Variants in CTNNA3 observed in about 807,000 individuals in gnomAD.
CTNNA3 encodes catenin alpha-3.
CTNNA3 carries 76 observed loss-of-function variants against 95.7 expected under a neutral mutation model. The observed-to-expected ratio is 0.79, with a 90% confidence interval of 0.66 to 0.96. CTNNA3 has a LOEUF of 0.96. CTNNA3 is among the 40% of genes least tolerant of loss of function. The pLI, the probability that CTNNA3 is intolerant of heterozygous loss-of-function variation, is 0.00. For synonymous variants in CTNNA3, 431 were observed against 374.4 expected, an observed-to-expected ratio of 1.15 and a Z score of -1.74; for missense variants, 1,191 against 1,089.8, an observed-to-expected ratio of 1.09 and a Z score of -1.31.
chr10:66,153,124 A>G (rs1355235154), intron 13 of CTNNA3, among the ~76,000 whole-genome samples: 4 of 151,828 alleles, frequency 2.6e-5, no homozygotes, highest in Admixed American at 2.6e-4. Context: ...TTCTTTTTCA[A>G]ATATGCGTGT....
At chr10:66,261,963 T>C (rs2091015698) in intron 13 of CTNNA3, among the ~76,000 whole-genome samples, 1 of 151,976 alleles carries the variant, frequency 6.6e-6, no homozygotes, top group Admixed American at 6.6e-5. Flanking sequence ...GGATTTGAGG[T>C]TCCTTCCCAT....
intron 15 of CTNNA3, among the ~76,000 whole-genome samples, chr10:66,019,533 A>G (rs940418629): frequency 2.6e-5 from 4 of 152,144 alleles, no homozygotes; most frequent in Non-Finnish European, 4.4e-5. Context: ...GGTTATGCCT[A>G]AAGTTTTGAT....
chr10:66,187,682 G>C (rs752399679), intron 13 of CTNNA3, among the ~76,000 whole-genome samples: 4 of 151,882 alleles, frequency 2.6e-5, no homozygotes, highest in Admixed American at 6.6e-5. Context: ...TAACCAATAA[G>C]AAAGTTTAGT....
intron 9 of CTNNA3, among the ~76,000 whole-genome samples, chr10:66,689,192 G>A (rs1342174323): frequency 6.6e-6 from 1 of 152,020 alleles, no homozygotes; most frequent in African/African-American, 2.4e-5. Flanking sequence ...GGGCAGAGGG[G>A]GAATGAAGGT....
intron 5 of CTNNA3, among the ~76,000 whole-genome samples, chr10:67,437,091 G>A (rs1428504775): frequency 6.6e-6 from 1 of 152,176 alleles, no homozygotes; most frequent in Non-Finnish European, 1.5e-5. Flanking sequence ...ATCAATCAAT[G>A]AGTGGATAAA....
At chr10:66,677,511 C>A (rs886788692) in intron 9 of CTNNA3, among the ~76,000 whole-genome samples, 7 of 151,928 alleles carry the variant, frequency 4.6e-5, no homozygotes, top group African/African-American at 1.7e-4. Context: ...AATTGTAGCA[C>A]CCATAATTCC....
intron 7 of CTNNA3, among the ~76,000 whole-genome samples, chr10:66,793,355 C>T (rs1288519922): frequency 6.6e-6 from 1 of 152,052 alleles, no homozygotes; most frequent in Non-Finnish European, 1.5e-5. Flanking sequence ...TGTTGCCAGG[C>T]TGATGCTGAA....
intron 16 of CTNNA3, among the ~76,000 whole-genome samples, chr10:65,983,405 C>A (rs2078363462): frequency 6.6e-6 from 1 of 151,432 alleles, no homozygotes; most frequent in Admixed American, 6.6e-5. Context: ...TGTGCATTAT[C>A]CTTACCTTAT....
chr10:67,329,405 A>C (rs893062450), intron 5 of CTNNA3, among the ~76,000 whole-genome samples: 1 of 152,190 alleles, frequency 6.6e-6, no homozygotes, highest in Non-Finnish European at 1.5e-5. Flanking sequence ...AATGGTAATA[A>C]ATAGTAACAT....
chr10:67,071,044 G>A (rs1183960837), intron 7 of CTNNA3, among the ~76,000 whole-genome samples: 1 of 152,092 alleles, frequency 6.6e-6, no homozygotes, highest in East Asian at 1.9e-4. Flanking sequence ...AAACCTAGAA[G>A]TTTTAAACTT....
intron 7 of CTNNA3, among the ~76,000 whole-genome samples, chr10:66,978,680 A>T (rs964388046): frequency 1.3e-5 from 2 of 149,726 alleles, no homozygotes; most frequent in African/African-American, 4.9e-5. Context: ...ATAAATAGCA[A>T]ATAAAAATTA....
At chr10:66,256,237 C>CA (rs2090766941) in intron 13 of CTNNA3, among the ~76,000 whole-genome samples, 1 of 152,116 alleles carries the variant, frequency 6.6e-6, no homozygotes, top group Non-Finnish European at 1.5e-5. Flanking sequence ...GGACACTATG[C>CA]AAAAATATGC....
chr10:66,741,069 C>A (rs1319313779), intron 9 of CTNNA3, among the ~76,000 whole-genome samples: 1 of 152,088 alleles, frequency 6.6e-6, no homozygotes, highest in East Asian at 1.9e-4. Flanking sequence ...TTAGGTGATT[C>A]TTATGCATAT....
At chr10:67,378,630 CCACGTATGACTTAGAA>C (rs1272508543) in intron 5 of CTNNA3, among the ~76,000 whole-genome samples, 1 of 152,174 alleles carries the variant, frequency 6.6e-6, no homozygotes, top group Non-Finnish European at 1.5e-5. Context: ...AGTCCCTCAT[CCACGTATGACTTAGAA>C]CATGCAGTTT....
At chr10:66,679,094 A>G (rs1846972915) in intron 9 of CTNNA3, among the ~76,000 whole-genome samples, 2 of 152,176 alleles carry the variant, frequency 1.3e-5, no homozygotes, top group African/African-American at 4.8e-5. Context: ...ATGATGTAGG[A>G]TATCTAGGTG....
Position 66,529,292 on chromosome 10 carries a change from C to A in CTNNA3, c.1375-8519G>T, listed in dbSNP as rs532886285. Among the ~76,000 whole-genome samples, 11 of 152,054 alleles carry A rather than the reference C, an allele frequency of 7.2e-5. 1 individual carries two copies. In the South Asian group the frequency reaches 2.3e-3, roughly 32 times the overall value. On this transcript the variant is annotated intron_variant, in intron 10 of 17. Transcript: ENST00000433211. ...TACAGATGTGTGCCACAGTGCCCGGCTAATTTTGTTTGTATTTTTAGTAGA... is the reference window on the plus strand; with the variant it reads ...TACAGATGTGTGCCACAGTGCCCGGATAATTTTGTTTGTATTTTTAGTAGA...
chr10:66,463,174 G>T (rs994750765), intron 11 of CTNNA3, among the ~76,000 whole-genome samples: 1 of 152,128 alleles, frequency 6.6e-6, no homozygotes, highest in Non-Finnish European at 1.5e-5. Context: ...GTCCAATGTT[G>T]GAGGTTGGGC....
intron 11 of CTNNA3, among the ~76,000 whole-genome samples, chr10:66,460,854 T>C (rs2093524537): frequency 6.6e-6 from 1 of 152,202 alleles, no homozygotes. Flanking sequence ...CAAATCTTTT[T>C]TTTCTCTCAA....
chr10:67,044,135 AT>A (rs1303756720), intron 7 of CTNNA3, among the ~76,000 whole-genome samples: 3 of 151,776 alleles, frequency 2.0e-5, no homozygotes, highest in Non-Finnish European at 4.4e-5. Context: ...TATTGTTCCC[AT>A]TTTTATGTTC....
Sources: allele counts gnomAD v4.1 joint callset (sites outside exome capture counted in the v4.1 genomes callset), GRCh38; gene constraint gnomAD v4.1.1; transcripts MANE v1.5; gene names NCBI Gene and HGNC (gene_info 2026-07-23, HGNC 2026-07-21).